PRKD1: variants seen among roughly 807,000 people sequenced by gnomAD.
The protein encoded by PRKD1 is serine/threonine-protein kinase D1.
A neutral mutation model predicts 95.9 loss-of-function variants in PRKD1; 63 were observed. The ratio of observed to expected loss-of-function variants is 0.66; its 90% confidence interval spans 0.54 to 0.81. The LOEUF (loss-of-function observed/expected upper bound fraction) is 0.81. PRKD1 is among the 30% of genes least tolerant of loss of function. The pLI is 0.00. For missense variants in PRKD1, 1,048 were observed against 1,165.3 expected (o/e 0.90, Z 1.47); for synonymous variants, 425 against 423.1 (o/e 1.00, Z -0.05).
At chr14:29,878,702 A>G (rs1368661838) in intron 1 of PRKD1, among the ~76,000 whole-genome samples, 1 of 152,214 alleles carries the variant, frequency 6.6e-6, no homozygotes, top group Non-Finnish European at 1.5e-5. Context: ...TATTTAAGAT[A>G]GCCAAATTCA....
chr14:29,676,192 T>TTTTTTTTTTTTTTTTTTTG (rs1566532348), intron 2 of PRKD1, among the ~76,000 whole-genome samples: 1 of 128,528 alleles, frequency 7.8e-6, no homozygotes, highest in Non-Finnish European at 1.6e-5. Context: ...TGTTTTTTTT[T>TTTTTTTTTTTTTTTTTTTG]TTTTTTTTTT....
intron 1 of PRKD1, among the ~76,000 whole-genome samples, chr14:29,770,380 G>T (rs1052126288): frequency 5.3e-5 from 8 of 152,158 alleles, no homozygotes; most frequent in African/African-American, 1.9e-4. Flanking sequence ...TGCTATAAAA[G>T]GACTAGAAAA....
Position 29,851,509 on chromosome 14 carries a change from A to T in PRKD1, c.264+75740T>A, listed in dbSNP as rs564432145. On this transcript the variant is annotated intron_variant, in intron 1 of 17. Transcript: ENST00000331968. ...CATCGCTAATCATCAGAAAAATTCA[A>T]ATCAAAAACCACAATGAGATACCAA... Among the ~76,000 whole-genome samples, 2 of 152,208 alleles carry T rather than the reference A, an allele frequency of 1.3e-5. 1 individual carries two copies. Among genetic ancestry groups the T allele is most frequent in the Admixed American group, 1.3e-4 (2 of 15,268 alleles).
chr14:29,891,493 T>C (rs770830167), intron 1 of PRKD1, among the ~76,000 whole-genome samples: 6 of 152,158 alleles, frequency 3.9e-5, no homozygotes, highest in Admixed American at 2.6e-4. Context: ...GCCTTCTTCA[T>C]CTTCATATTA....
chr14:29,764,087 C>G (rs1888152029), intron 1 of PRKD1, among the ~76,000 whole-genome samples: 1 of 151,706 alleles, frequency 6.6e-6, no homozygotes, highest in South Asian at 2.1e-4. Flanking sequence ...AAGAGAATCA[C>G]CTGGGGAGAA....
intron 1 of PRKD1, among the ~76,000 whole-genome samples, chr14:29,753,831 C>G (rs1887582839): frequency 6.6e-6 from 1 of 152,114 alleles, no homozygotes; most frequent in African/African-American, 2.4e-5. Flanking sequence ...TACTTACCCA[C>G]TTTTTCAATG....
intron 13 of PRKD1, among the ~76,000 whole-genome samples, chr14:29,623,680 C>T (rs57469370): frequency 1.3e-5 from 2 of 152,026 alleles, no homozygotes; most frequent in African/African-American, 2.4e-5. Flanking sequence ...TGACAATGCC[C>T]GATGTCAAAT....
intron 16 of PRKD1, among the ~76,000 whole-genome samples, chr14:29,580,709 T>C (rs1405218904): frequency 6.6e-6 from 1 of 152,168 alleles, no homozygotes; most frequent in Non-Finnish European, 1.5e-5. Flanking sequence ...TGCGTTTTAC[T>C]AAACATTTTT....
At chr14:29,788,363 C>T (rs1044348132) in intron 1 of PRKD1, among the ~76,000 whole-genome samples, 33 of 152,100 alleles carry the variant, frequency 2.2e-4, no homozygotes, top group African/African-American at 7.7e-4. Context: ...TTGTCTGTGA[C>T]TTTTGACCGA....
At chr14:29,577,484 A>AT in intron 17 of PRKD1, 28 bp from the exon 18 acceptor site, 1 of 1,582,878 alleles carries the variant, frequency 6.3e-7, no homozygotes, top group Non-Finnish European at 8.7e-7. Flanking sequence ...AAATATTACC[A>AT]TAGAGATCAT....
At chr14:29,686,601 C>A (rs185848741) in intron 2 of PRKD1, among the ~76,000 whole-genome samples, 3 of 152,282 alleles carry the variant, frequency 2.0e-5, no homozygotes, top group Non-Finnish European at 4.4e-5. Flanking sequence ...CTCTAAAGAA[C>A]GCCAGTTCTT....
chr14:29,815,970 A>G, intron 1 of PRKD1, among the ~76,000 whole-genome samples: 1 of 152,168 alleles, frequency 6.6e-6, no homozygotes, highest in South Asian at 2.1e-4. Context: ...CTGTAATCCC[A>G]TCACTTTGGG....
rs1399024483 is a variant in PRKD1, at chr14:29,700,971, CGCAT to C, written c.403+24561_403+24564del. ...CCCAAGGCATTTGTGTGTACGCGTG[CGCAT>C]GCGCGCGCGCGCGCACACACACACA... On this transcript the variant is annotated intron_variant, in intron 2 of 17. Transcript: ENST00000331968. 6.9e-5 allele frequency among the ~76,000 whole-genome samples: 3 copies of C among 43,550 alleles called. No individual in the cohort carries two copies. In the East Asian group the frequency reaches 1.5e-3, roughly 21 times the overall value. The allele number at this position is 43,550 out of a possible 152,430, so 28.6% of individuals were successfully genotyped here. A position where few individuals can be genotyped will look rare whatever the true frequency, so the allele number is the denominator to read the frequency against.
chr14:29,626,346 G>A (rs547520099), intron 12 of PRKD1, 138 bp downstream of exon 12: 101 of 685,154 alleles, frequency 1.5e-4, no homozygotes, highest in African/African-American at 6.8e-4. Context: ...TTTTTTAAAC[G>A]CAGAACACAA....
intron 1 of PRKD1, among the ~76,000 whole-genome samples, chr14:29,913,531 CCTT>C (rs1354772245): frequency 1.3e-5 from 2 of 152,114 alleles, no homozygotes; most frequent in Non-Finnish European, 2.9e-5. Context: ...TGCTCCTTAT[CCTT>C]CTCAAAGAAT....
chr14:29,645,445 C>A (rs1366241862), intron 4 of PRKD1, among the ~76,000 whole-genome samples: 8 of 152,144 alleles, frequency 5.3e-5, no homozygotes, highest in Non-Finnish European at 7.4e-5. Flanking sequence ...AAGATACTAG[C>A]ATAACTATGC....
intron 1 of PRKD1, among the ~76,000 whole-genome samples, chr14:29,752,209 G>C (rs891479902): frequency 6.6e-6 from 1 of 152,030 alleles, no homozygotes; most frequent in Non-Finnish European, 1.5e-5. Flanking sequence ...ATTAATATTT[G>C]TAAATTATAT....
intron 4 of PRKD1, among the ~76,000 whole-genome samples, chr14:29,660,803 T>C (rs1278605326): frequency 6.6e-6 from 1 of 152,128 alleles, no homozygotes; most frequent in Non-Finnish European, 1.5e-5. Context: ...CAAAAGTCCA[T>C]AAAACTGATA....
intron 4 of PRKD1, among the ~76,000 whole-genome samples, chr14:29,653,968 G>A (rs1311860481): frequency 6.6e-6 from 1 of 152,042 alleles, no homozygotes; most frequent in Non-Finnish European, 1.5e-5. Context: ...GGGAGGAAAA[G>A]CCTTTTAAAA....
Sources: allele counts gnomAD v4.1 joint callset (sites outside exome capture counted in the v4.1 genomes callset), GRCh38; gene constraint gnomAD v4.1.1; transcripts MANE v1.5; gene names NCBI Gene and HGNC (gene_info 2026-07-23, HGNC 2026-07-21).